IL16: variants seen among roughly 807,000 people sequenced by gnomAD.
IL16 encodes interleukin 16.
A neutral mutation model predicts 110.1 loss-of-function variants in IL16; 67 were observed. The ratio of observed to expected loss-of-function variants is 0.61; its 90% CI spans 0.50 to 0.75. The LOEUF is 0.75. Among genes scored for constraint, IL16 ranks in the 30% least tolerant of loss-of-function variants. The pLI is 0.00. For missense variants in IL16, 1,545 were observed against 1,655.0 expected (o/e 0.93, Z 1.15); for synonymous variants, 689 against 662.9 (o/e 1.04, Z -0.61).
intron 18 of IL16, among the ~76,000 whole-genome samples, chr15:81,307,296 T>C (rs1256753627): frequency 6.6e-6 from 1 of 152,112 alleles, no homozygotes; most frequent in African/African-American, 2.4e-5. Flanking sequence ...ATGTGCTGAG[T>C]GACCCTTCCC....
chr15:81,227,236 G>C (rs988437912), intron 2 of IL16, among the ~76,000 whole-genome samples: 2 of 151,914 alleles, frequency 1.3e-5, no homozygotes, highest in Non-Finnish European at 2.9e-5. Flanking sequence ...TCTGATTTGG[G>C]GATATAGATA....
At chr15:81,215,760 T>TG (rs1370156541) in intron 1 of IL16, among the ~76,000 whole-genome samples, 1 of 152,158 alleles carries the variant, frequency 6.6e-6, no homozygotes, top group Admixed American at 6.5e-5. Context: ...CTTGCCACAC[T>TG]CTGAGGGTGG....
At chr15:81,279,496 A>G (rs960002227) in intron 7 of IL16, 62 bp from the exon 8 acceptor site, 5 of 1,175,882 alleles carry the variant, frequency 4.3e-6, no homozygotes, top group Admixed American at 1.9e-5. Flanking sequence ...TTCCTTAAAC[A>G]GTATTTCTTC....
chr15:81,295,614 C>A, intron 12 of IL16: 1 of 740,574 alleles, frequency 1.4e-6, no homozygotes, highest in Non-Finnish European at 2.0e-6. Flanking sequence ...TGCCATGACT[C>A]AGCCTTACTT....
Position 81,292,683 on chromosome 15 carries a change from CAT to C in IL16, c.1549_1550del (p.Met517ValfsTer14), listed in dbSNP as rs779453442. 7 of 1,614,082 alleles carry C rather than the reference CAT, an allele frequency of 4.3e-6. No individual in the cohort carries two copies. The African/African-American group carries it at 8.0e-5, about 18-fold the overall frequency. The part of the protein sequence containing the change: ...MIRSSSDSSY[M>X]SGSPGGSPGS... ...TCCGCTCCAGCAGTGACAGCAGCTACATGTCTGGGTCCCCAGGGGGAAGTCCT... is the reference window on the plus strand; with the variant it reads ...TCCGCTCCAGCAGTGACAGCAGCTACGTCTGGGTCCCCAGGGGGAAGTCCT... On this transcript the variant is annotated frameshift_variant, in exon 12 of 19. Coordinates refer to ENST00000683961, the MANE Select transcript of IL16 (RefSeq NM_172217.5). LOFTEE classifies it high-confidence loss of function.
At chr15:81,234,643 C>T (rs1251712639) in intron 2 of IL16, among the ~76,000 whole-genome samples, 1 of 152,048 alleles carries the variant, frequency 6.6e-6, no homozygotes, top group African/African-American at 2.4e-5. Flanking sequence ...TATTCATGTA[C>T]ATTAATTTAA....
chr15:81,258,835 G>A (rs879936820), intron 2 of IL16, among the ~76,000 whole-genome samples: 2 of 151,870 alleles, frequency 1.3e-5, no homozygotes, highest in Non-Finnish European at 2.9e-5. Context: ...CAAGGATTAT[G>A]GTAGTGAGTA....
intron 8 of IL16, among the ~76,000 whole-genome samples, chr15:81,281,518 T>C (rs1426433277): frequency 6.6e-6 from 1 of 152,236 alleles, no homozygotes; most frequent in Non-Finnish European, 1.5e-5. Context: ...TGTGCAAACA[T>C]CTGCTCTACA....
At chr15:81,225,226 T>A (rs774641371) in intron 1 of IL16, 73 bp from the exon 2 acceptor site, 33 of 1,288,244 alleles carry the variant, frequency 2.6e-5, no homozygotes, top group Non-Finnish European at 3.1e-5. Flanking sequence ...GTGGCTCAGA[T>A]CCAGGACTCG....
intron 1 of IL16, among the ~76,000 whole-genome samples, chr15:81,211,173 C>T (rs1042089349): frequency 1.3e-5 from 2 of 152,102 alleles, no homozygotes; most frequent in African/African-American, 2.4e-5. Context: ...GATCTTCCCA[C>T]CTCAACCTCC....
rs1317598015 is a variant in IL16, at chr15:81,306,564, T to G, written c.3805+19T>G. 6.2e-7 allele frequency: 1 copy of G among 1,609,718 alleles called. No homozygotes were observed. The highest frequency in any genetic ancestry group is 8.5e-7 in the Non-Finnish European group (1 of 1,179,968). ...TTCAAAGGTGTGGGGTGTGTCTGGT[T>G]CTTTGCGTGCTCTCCAGTTGTGGGC... On this transcript the variant is annotated intron_variant, in intron 18 of 18. Transcript: ENST00000683961.
At chr15:81,214,086 T>G (rs889575646) in intron 1 of IL16, among the ~76,000 whole-genome samples, 2 of 152,210 alleles carry the variant, frequency 1.3e-5, no homozygotes, top group Non-Finnish European at 2.9e-5. Context: ...GATTCCATGT[T>G]TAGCATTCCC....
At chr15:81,292,277 T>G in intron 11 of IL16, 1 of 478,842 alleles carries the variant, frequency 2.1e-6, no homozygotes, top group Non-Finnish European at 3.9e-6. Context: ...TCCCCACAGC[T>G]GGGACACCAA....
At position 81,313,462 on chromosome 15, in the gene IL16, G is replaced by A. The variant is rs976158769; in HGVS notation, c.*4664G>A. The A allele has an allele frequency of 1.8e-5, 26 of 1,431,936 alleles. No homozygotes were observed. The highest frequency in any genetic ancestry group is 2.4e-4 in the Middle Eastern group (1 of 4,194). The allele number at this position is 1,431,936 out of a possible 1,614,324, so 88.7% of individuals were successfully genotyped here. A position where few individuals can be genotyped will look rare whatever the true frequency, so the allele number is the denominator to read the frequency against. On this transcript the variant is annotated 3_prime_UTR_variant, in exon 19 of 19. Transcript: ENST00000683961. ...TGCAGCAGAGGTGCTGGGGACGAGC[G>A]CCAGGCAGGTGAGCAGAGCCCAGCC...
intron 1 of IL16, among the ~76,000 whole-genome samples, chr15:81,213,523 G>C (rs1896321055): frequency 6.6e-6 from 1 of 152,134 alleles, no homozygotes; most frequent in African/African-American, 2.4e-5. Context: ...GGTTGTCTAA[G>C]TCTTTTTGTA....
intron 2 of IL16, among the ~76,000 whole-genome samples, chr15:81,226,538 T>G (rs889274001): frequency 6.6e-6 from 1 of 152,216 alleles, no homozygotes; most frequent in Non-Finnish European, 1.5e-5. Flanking sequence ...TCTATGCATT[T>G]AAATAGGGAA....
intron 1 of IL16, among the ~76,000 whole-genome samples, chr15:81,184,139 A>C (rs1186530815): frequency 6.6e-6 from 1 of 152,174 alleles, no homozygotes; most frequent in Non-Finnish European, 1.5e-5. Context: ...ACATGGATGC[A>C]TTTACTTCCA....
At chr15:81,214,533 T>C (rs1014542764) in intron 1 of IL16, among the ~76,000 whole-genome samples, 1 of 149,020 alleles carries the variant, frequency 6.7e-6, no homozygotes. Flanking sequence ...TTTACCCTAC[T>C]CTCTAATTGC....
At chr15:81,285,969 A>G (rs1899432948) in intron 10 of IL16, 139 bp downstream of exon 10, 1 of 907,988 alleles carries the variant, frequency 1.1e-6, no homozygotes, top group Non-Finnish European at 1.7e-6. Context: ...AAGTTTCTGT[A>G]GTAAGAATTG....
Sources: allele counts gnomAD v4.1 joint callset (sites outside exome capture counted in the v4.1 genomes callset), GRCh38; gene constraint gnomAD v4.1.1; transcripts MANE v1.5; gene names NCBI Gene and HGNC (gene_info 2026-07-23, HGNC 2026-07-21).